Variants in IL22RA1 observed in about 807,000 individuals in gnomAD.
IL22RA1 encodes the protein interleukin-22 receptor subunit alpha-1.
In IL22RA1, 25 loss-of-function variants were observed where a neutral mutation model predicts 32.8. That is an observed-to-expected ratio of 0.76 (90% CI 0.55 to 1.06). The LOEUF is 1.06. Among genes scored for constraint, IL22RA1 ranks in the 50% least tolerant of loss-of-function variants. The pLI, the probability that IL22RA1 is intolerant of heterozygous loss-of-function variation, is 0.00. For synonymous variants in IL22RA1, 305 were observed against 305.0 expected (o/e 1.00, Z 0.00); for missense variants, 709 against 727.4 (o/e 0.97, Z 0.29).
intron 5 of IL22RA1, among the ~76,000 whole-genome samples, chr1:24,127,224 G>T (rs1339008137): frequency 6.6e-6 from 1 of 151,606 alleles, no homozygotes; most frequent in Admixed American, 6.6e-5. Flanking sequence ...AAACCCAACT[G>T]TATCTATAGT....
chr1:24,139,208 G>C (rs561746136), intron 1 of IL22RA1, among the ~76,000 whole-genome samples: 1 of 152,170 alleles, frequency 6.6e-6, no homozygotes, highest in African/African-American at 2.4e-5. Context: ...TGTAAATAGA[G>C]CTTGGCTGGC....
chr1:24,121,056 G>A lies in IL22RA1; in HGVS notation c.1474C>T (p.Leu492=), dbSNP rs1644116762. 3 of 1,614,182 alleles carry A rather than the reference G, an allele frequency of 1.9e-6. No homozygotes were observed. The highest frequency in any genetic ancestry group is 2.5e-6 in the Non-Finnish European group (3 of 1,180,008). Residue 492 remains leucine, a synonymous_variant, in exon 7 of 7, where the codon CTA becomes TTA. Transcript: ENST00000270800. ...GAGAGGAGGGGGAGCTGGCCCTTTAGGTACTGTGGTGTCCCTTCCTCCCCA... is the reference window on the plus strand; with the variant it reads ...GAGAGGAGGGGGAGCTGGCCCTTTAAGTACTGTGGTGTCCCTTCCTCCCCA... ...HSGEEGTPQY[L]KGQLPLLSSV...
At chr1:24,138,873 G>C (rs1314587997) in intron 1 of IL22RA1, among the ~76,000 whole-genome samples, 159 bp from the exon 2 acceptor site, 2 of 152,180 alleles carry the variant, frequency 1.3e-5, no homozygotes, top group Admixed American at 6.5e-5. Context: ...CTGGCCCCCA[G>C]CCTTCTACAA....
chr1:24,138,169 A>G (rs1315051454), intron 2 of IL22RA1, among the ~76,000 whole-genome samples: 1 of 152,160 alleles, frequency 6.6e-6, no homozygotes, highest in Non-Finnish European at 1.5e-5. Context: ...TCTTCGGTTG[A>G]CCTAGTCTCA....
At chr1:24,136,779 G>A (rs1644245191) in intron 3 of IL22RA1, among the ~76,000 whole-genome samples, 1 of 152,198 alleles carries the variant, frequency 6.6e-6, no homozygotes, top group Non-Finnish European at 1.5e-5. Flanking sequence ...TTTATGTGTT[G>A]AGGAGATCTC....
chr1:24,142,824 C>A (rs1644290848), intron 1 of IL22RA1, among the ~76,000 whole-genome samples: 1 of 152,204 alleles, frequency 6.6e-6, no homozygotes, highest in Non-Finnish European at 1.5e-5. Context: ...TCCTTTGGGT[C>A]CCTGGAAGAA....
At chr1:24,125,308 G>A (rs750093122) in intron 5 of IL22RA1, among the ~76,000 whole-genome samples, 16 of 152,136 alleles carry the variant, frequency 1.1e-4, no homozygotes, top group Non-Finnish European at 1.6e-4. Context: ...CTACTCAGTG[G>A]AGTTACATGT....
At position 24,121,815 on chromosome 1, in the gene IL22RA1, A is replaced by C. The variant is rs533506129; in HGVS notation, c.793-78T>G. On this transcript the variant is annotated intron_variant, in intron 6 of 6. Coordinates refer to ENST00000270800, the MANE Select transcript of IL22RA1 (RefSeq NM_021258.4). ...TCCCTACTGGTGATGTGGGTGGGTG[A>C]GGTCCTCCATAGGGAGGCATCTGGG... 8.5e-5 allele frequency: 103 copies of C among 1,216,660 alleles called. 1 individual carries two copies. In the South Asian group the frequency reaches 2.0e-3, roughly 24 times the overall value. 75.4% of individuals were successfully genotyped at this position (1,216,660 alleles called of 1,614,324 possible).
At chr1:24,135,422 G>A (rs1407945242) in intron 3 of IL22RA1, among the ~76,000 whole-genome samples, 1 of 151,966 alleles carries the variant, frequency 6.6e-6, no homozygotes, top group Non-Finnish European at 1.5e-5. Flanking sequence ...AACAAGCCAG[G>A]TTAAAAAAAC....
Position 24,120,918 on chromosome 1 carries a change from A to C in IL22RA1, c.1612T>G (p.Cys538Gly). 6.2e-7 allele frequency: 1 copy of C among 1,614,168 alleles called. No homozygotes were observed. Among genetic ancestry groups the C allele is most frequent in the Non-Finnish European group, 8.5e-7 (1 of 1,180,000 alleles). Residue 538 changes from cysteine (C) to glycine (G), a missense_variant, in exon 7 of 7, where the codon TGT (cysteine) becomes GGT (glycine). Physicochemically the swap from Cys to Gly is radical, Grantham distance 159 (BLOSUM62 -3). Transcript: ENST00000270800. Reference protein sequence around the residue: ...SPWGLLESLVCPKDEAKSPAP... With the variant: ...SPWGLLESLVGPKDEAKSPAP... ...GGGCTCTTGGCTTCATCCTTGGGAC[A>C]CACAAGGGACTCCAGCAGGCCCCAG...
chr1:24,128,103 C>G, intron 5 of IL22RA1, 38 bp downstream of exon 5: 1 of 1,487,430 alleles, frequency 6.7e-7, no homozygotes, highest in Non-Finnish European at 8.9e-7. Context: ...GACTTGAATT[C>G]GGGAGCCCCA....
In IL22RA1 at chr1:24,128,177, T is replaced by G; in HGVS notation, c.634A>C (p.Ser212Arg). ...TTCACTCGGCACATGTAGGGGGCAC[T>G]CTCCTTGGCCCAGGTGGGAACGCAA... ...MICVPTWAKESAPYMCRVKTL... is the reference protein window; with the variant it reads ...MICVPTWAKERAPYMCRVKTL... Residue 212 changes from serine (S) to arginine (R), a missense_variant, in exon 5 of 7, where the codon AGT becomes CGT. Coordinates refer to ENST00000270800, the MANE Select transcript of IL22RA1 (RefSeq NM_021258.4). 1.3e-6 allele frequency: 2 copies of G among 1,585,288 alleles called. No individual in the cohort carries two copies. The highest frequency in any genetic ancestry group is 2.4e-5 in the East Asian group (1 of 42,242).
Position 24,134,283 on chromosome 1 carries a change from C to T in IL22RA1, c.459G>A (p.Arg153=), listed in dbSNP as rs753798336. 6.2e-7 allele frequency: 1 copy of T among 1,610,396 alleles called. No homozygotes were observed. Among genetic ancestry groups the T allele is most frequent in the South Asian group, 1.1e-5 (1 of 90,900 alleles). ...PTPIRAGDGH[R]LTLEDIFHDL... is the part of the protein sequence containing the mutation. ...CATGGAAGATGTCTTCCAGGGTTAG[C>T]CGGTGGCCATCGCCTGCACGGATTG... is the stretch of plus-strand genomic sequence containing the variant. The change falls in exon 4 of 7, where the codon CGG becomes CGA. Residue 153 remains arginine, a synonymous_variant. Coordinates refer to ENST00000270800, the MANE Select transcript of IL22RA1 (RefSeq NM_021258.4).
chr1:24,121,888 G>A, intron 6 of IL22RA1, 151 bp from the exon 7 acceptor site: 1 of 504,708 alleles, frequency 2.0e-6, no homozygotes, highest in Middle Eastern at 5.2e-4. Context: ...GCTTCCCAGA[G>A]ACTCCTCTAG....
chr1:24,137,700 G>A (rs189846765), intron 2 of IL22RA1, among the ~76,000 whole-genome samples: 1 of 151,884 alleles, frequency 6.6e-6, no homozygotes, highest in Middle Eastern at 3.2e-3. Flanking sequence ...TATTTTAGTA[G>A]AGACAGTATG....
At position 24,120,605 on chromosome 1, in the gene IL22RA1, A is replaced by T. The variant is rs1190208068; in HGVS notation, c.*200T>A. 3.6e-6 allele frequency: 2 copies of T among 561,280 alleles called. No homozygotes were observed. The highest frequency in any genetic ancestry group is 6.3e-6 in the Non-Finnish European group (2 of 318,370). The allele number at this position is 561,280 out of a possible 1,614,324, so 34.8% of individuals were successfully genotyped here. A position where few individuals can be genotyped will look rare whatever the true frequency, so the allele number is the denominator to read the frequency against. On this transcript the variant is annotated 3_prime_UTR_variant, in exon 7 of 7. Coordinates refer to ENST00000270800, the MANE Select transcript of IL22RA1 (RefSeq NM_021258.4). Reference sequence around the variant, plus strand: ...CTGCTCCCCAGAGCTCCCCCGCTGCAGTCCTTATCATGCTGCTTTGCTCCG... The same window carrying T: ...CTGCTCCCCAGAGCTCCCCCGCTGCTGTCCTTATCATGCTGCTTTGCTCCG...
chr1:24,130,173 T>C (rs554602838), intron 4 of IL22RA1, among the ~76,000 whole-genome samples: 1 of 152,276 alleles, frequency 6.6e-6, no homozygotes, highest in East Asian at 1.9e-4. Context: ...GAAATGTCGA[T>C]GGGTACATTT....
At chr1:24,134,496 A>G in intron 3 of IL22RA1, 110 bp from the exon 4 acceptor site, 1 of 733,474 alleles carries the variant, frequency 1.4e-6, no homozygotes. Context: ...CTTCCACTCC[A>G]GTGCCAGCTA....
intron 1 of IL22RA1, among the ~76,000 whole-genome samples, chr1:24,139,031 A>C (rs1268254347): frequency 1.3e-5 from 2 of 152,240 alleles, no homozygotes; most frequent in Admixed American, 6.5e-5. Flanking sequence ...CATTTTCACA[A>C]CGTTGTGCAA....
Sources: allele counts gnomAD v4.1 joint callset (sites outside exome capture counted in the v4.1 genomes callset), GRCh38; gene constraint gnomAD v4.1.1; transcripts MANE v1.5; gene names NCBI Gene and HGNC (gene_info 2026-07-23, HGNC 2026-07-21).